The following ARHGAP26 variants were observed in gnomAD, a reference collection of about 807,000 sequenced individuals.
ARHGAP26 encodes the protein rho GTPase-activating protein 26.
ARHGAP26 carries 38 observed loss-of-function variants against 104.8 expected under a neutral mutation model. That is an observed-to-expected ratio of 0.36 (90% confidence interval 0.28 to 0.48). The LOEUF (loss-of-function observed/expected upper bound fraction) is 0.48, where lower values mean the gene tolerates loss of function less well. Among genes scored for constraint, ARHGAP26 ranks in the 20% least tolerant of loss-of-function variants. The pLI is 0.99. For synonymous variants in ARHGAP26, 341 were observed against 340.0 expected (o/e 1.00, Z -0.03); for missense variants, 704 against 947.9 (o/e 0.74, Z 3.38).
intron 11 of ARHGAP26, among the ~76,000 whole-genome samples, chr5:143,000,176 G>T (rs1459869051): frequency 6.6e-6 from 1 of 152,198 alleles, no homozygotes; most frequent in East Asian, 1.9e-4. Context: ...ATTGGTGGGG[G>T]TGTAAGTAAA....
At chr5:142,829,151 G>GAA (rs1767896065) in intron 1 of ARHGAP26, among the ~76,000 whole-genome samples, 1 of 152,214 alleles carries the variant, frequency 6.6e-6, no homozygotes, top group Non-Finnish European at 1.5e-5. Flanking sequence ...TAACCTTTCT[G>GAA]TCCTCTAGAT....
chr5:142,908,737 C>G (rs185696962), intron 9 of ARHGAP26: 23 of 167,112 alleles, frequency 1.4e-4, no homozygotes, highest in Non-Finnish European at 2.6e-4. Context: ...AGGAAAAGCA[C>G]GTGGCATAGA....
chr5:142,877,416 A>T (rs1026072372), intron 3 of ARHGAP26, among the ~76,000 whole-genome samples: 1 of 152,028 alleles, frequency 6.6e-6, no homozygotes, highest in Non-Finnish European at 1.5e-5. Flanking sequence ...TGTGCCCTGT[A>T]GTAAATATGA....
rs1238913106 is a variant in ARHGAP26 at position 143,223,988 on chromosome 5, C to T, written c.*1542C>T. 8.6e-6 allele frequency: 2 copies of T among 232,026 alleles called. No homozygotes were observed. The highest frequency in any genetic ancestry group is 1.7e-5 in the Non-Finnish European group (2 of 117,062). The allele number at this position is 232,026 out of a possible 1,614,324, so 14.4% of individuals were successfully genotyped here. A position where few individuals can be genotyped will look rare whatever the true frequency, so the allele number is the denominator to read the frequency against. ...CAAACCGATGGACCGTCAAGCTCCC[C>T]AGGAGCCCCTTGGATGGCAGCGTTG... On this transcript the variant is annotated 3_prime_UTR_variant, in exon 23 of 23. Transcript: ENST00000645722.
intron 20 of ARHGAP26, among the ~76,000 whole-genome samples, chr5:143,195,282 T>C (rs1326690449): frequency 6.6e-6 from 1 of 152,210 alleles, no homozygotes. Flanking sequence ...TGAAATATTA[T>C]AGTAGGCTCC....
chr5:143,226,405 C>G lies in ARHGAP26; in HGVS notation c.*3959C>G, dbSNP rs867276127. ...CTGAGGCAGGAGAATGGCATGAACCCAGGAGGCAGAGATTGCAGTGAGCCA... is the reference window on the plus strand; with the variant it reads ...CTGAGGCAGGAGAATGGCATGAACCGAGGAGGCAGAGATTGCAGTGAGCCA... On this transcript the variant is annotated 3_prime_UTR_variant, in exon 23 of 23. Coordinates refer to ENST00000645722, the MANE Select transcript of ARHGAP26 (RefSeq NM_001135608.3). 5 of 174,596 alleles carry G rather than the reference C, an allele frequency of 2.9e-5. No homozygotes were observed. Among genetic ancestry groups the G allele is most frequent in the Non-Finnish European group, 6.1e-5 (5 of 81,722 alleles). 10.8% of individuals were successfully genotyped at this position (174,596 alleles called of 1,614,324 possible).
intron 20 of ARHGAP26, among the ~76,000 whole-genome samples, chr5:143,179,394 C>T (rs1313062501): frequency 6.6e-6 from 1 of 152,202 alleles, no homozygotes; most frequent in Non-Finnish European, 1.5e-5. Flanking sequence ...GGGACTGCAT[C>T]AACTTCTTGG....
chr5:142,846,822 A>G (rs1350873463), intron 1 of ARHGAP26, among the ~76,000 whole-genome samples: 1 of 152,140 alleles, frequency 6.6e-6, no homozygotes, highest in Non-Finnish European at 1.5e-5. Context: ...TTCAATATGT[A>G]TTGATTAGTA....
At position 142,907,935 on chromosome 5, in the gene ARHGAP26, A is replaced by G. The variant is rs563563386; in HGVS notation, c.933+131A>G. On this transcript the variant is annotated intron_variant, in intron 9 of 22. Coordinates refer to ENST00000645722, the MANE Select transcript of ARHGAP26 (RefSeq NM_001135608.3). The stretch of plus-strand genomic sequence containing the variant: ...TAAATTTAAAATTAATAATTTAAAA[A>G]ATTTTTATATAGTAGTTCAGGAAGC... The G allele has an allele frequency of 6.2e-6, 3 of 484,076 alleles. No homozygotes were observed. The East Asian group carries it at 1.2e-4, about 20-fold the overall frequency. 30.0% of individuals were successfully genotyped at this position (484,076 alleles called of 1,614,324 possible). A position where few individuals can be genotyped will look rare whatever the true frequency, so the allele number is the denominator to read the frequency against.
intron 14 of ARHGAP26, among the ~76,000 whole-genome samples, chr5:143,042,621 G>A (rs1783637689): frequency 6.6e-6 from 1 of 152,254 alleles, no homozygotes; most frequent in Non-Finnish European, 1.5e-5. Flanking sequence ...CACAGAGGCT[G>A]TTATTCCTCC....
At chr5:142,858,016 AGAGAGG>A (rs926892304) in intron 1 of ARHGAP26, among the ~76,000 whole-genome samples, 6 of 151,902 alleles carry the variant, frequency 3.9e-5, no homozygotes, top group African/African-American at 1.5e-4. Flanking sequence ...GTCTCCAAAG[AGAGAGG>A]GAGAGGGAGA....
At chr5:142,817,104 T>G (rs1765284322) in intron 1 of ARHGAP26, among the ~76,000 whole-genome samples, 1 of 152,106 alleles carries the variant, frequency 6.6e-6, no homozygotes, top group South Asian at 2.1e-4. Context: ...TCTTTTAAAT[T>G]AAGGAACTGG....
At chr5:143,065,958 G>T (rs887716376) in intron 17 of ARHGAP26, among the ~76,000 whole-genome samples, 6 of 152,196 alleles carry the variant, frequency 3.9e-5, no homozygotes, top group African/African-American at 1.4e-4. Flanking sequence ...ACCAGGTGGG[G>T]TCTAGCTTCT....
chr5:143,214,954 A>C (rs1411072438), intron 22 of ARHGAP26, among the ~76,000 whole-genome samples: 2 of 152,210 alleles, frequency 1.3e-5, no homozygotes, highest in East Asian at 3.9e-4. Context: ...ATCAAAATGC[A>C]CGAACAGCCA....
chr5:143,047,233 A>G (rs1784364737), intron 14 of ARHGAP26, among the ~76,000 whole-genome samples: 1 of 152,244 alleles, frequency 6.6e-6, no homozygotes, highest in Non-Finnish European at 1.5e-5. Context: ...CCATTGAGGC[A>G]GCAGAGACTA....
intron 1 of ARHGAP26, chr5:142,860,088 G>A (rs1446718001): frequency 2.6e-5 from 4 of 152,238 alleles, no homozygotes; most frequent in African/African-American, 9.7e-5. Context: ...GAGCCCCAGT[G>A]CGCCCGCATG....
At chr5:142,794,235 C>T (rs1597649041) in intron 1 of ARHGAP26, among the ~76,000 whole-genome samples, 1 of 152,178 alleles carries the variant, frequency 6.6e-6, no homozygotes, top group African/African-American at 2.4e-5. Flanking sequence ...TTTGTTGAAG[C>T]CTGTGCTCAT....
chr5:142,831,490 AC>A (rs1454435743), intron 1 of ARHGAP26, among the ~76,000 whole-genome samples: 1 of 151,940 alleles, frequency 6.6e-6, no homozygotes, highest in Admixed American at 6.6e-5. Flanking sequence ...TCAGATGTTC[AC>A]CCCTGGCTTG....
intron 11 of ARHGAP26, among the ~76,000 whole-genome samples, chr5:142,950,152 A>G (rs1768083754): frequency 6.6e-6 from 1 of 152,094 alleles, no homozygotes; most frequent in African/African-American, 2.4e-5. Context: ...AGAGAGAACA[A>G]ACTTTTAGGT....
Sources: gnomAD v4.1 joint callset for allele counts (sites outside exome capture counted in the v4.1 genomes callset) on GRCh38, gnomAD v4.1.1 for gene constraint, MANE v1.5 for transcripts, NCBI Gene and HGNC (gene_info 2026-07-23, HGNC 2026-07-21) for gene names.